The following BRI3 variants were observed in gnomAD, a reference collection of about 807,000 sequenced individuals.
BRI3 encodes the protein membrane protein BRI3.
BRI3 carries 6 observed loss-of-function variants against 12.8 expected under a neutral mutation model. That is an observed-to-expected ratio of 0.47 (90% CI 0.26 to 0.93). BRI3 has a LOEUF of 0.93. Ranked by LOEUF, BRI3 falls within the 40% of genes least tolerant of loss-of-function variation. The pLI is 0.15. For missense variants in BRI3, 134 were observed against 171.1 expected, an observed-to-expected ratio of 0.78 and a Z score of 1.21; for synonymous variants, 91 against 76.1, an observed-to-expected ratio of 1.20 and a Z score of -1.02.
At chr7:98,296,354 A>G (rs1008445747), downstream of BRI3, among the ~76,000 whole-genome samples, 2 of 152,230 alleles carry the variant, frequency 1.3e-5, no homozygotes, top group Non-Finnish European at 2.9e-5. Context: ...GGCCAGGGAC[A>G]GTGGCTCATG....
upstream of BRI3, among the ~76,000 whole-genome samples, chr7:98,302,959 T>C (rs1260941215): frequency 1.3e-5 from 2 of 152,150 alleles, no homozygotes; most frequent in African/African-American, 2.4e-5. Flanking sequence ...TAATTTTTTA[T>C]ATTTTTTGTC....
At chr7:98,303,288 C>T (rs1800501326), upstream of BRI3, among the ~76,000 whole-genome samples, 1 of 152,126 alleles carries the variant, frequency 6.6e-6, no homozygotes, top group South Asian at 2.1e-4. Flanking sequence ...TGAACTAAGG[C>T]CCCGGACACA....
chr7:98,300,489 C>T (rs945957272), intron 1 of BRI3, among the ~76,000 whole-genome samples: 7 of 152,172 alleles, frequency 4.6e-5, no homozygotes, highest in African/African-American at 1.7e-4. Flanking sequence ...TGCAGATGAC[C>T]GCGCCATGTC....
chr7:98,294,084 G>A (rs768295005), downstream of BRI3: 1 of 1,614,148 alleles, frequency 6.2e-7, no homozygotes, highest in Non-Finnish European at 8.5e-7. Context: ...CTGAGAAAAG[G>A]CGGCTTTGCA....
At chr7:98,309,075 ATTC>A (rs1470520180) in exon 2 of BRI3, 1 of 152,078 alleles carries the variant, frequency 6.6e-6, no homozygotes, top group African/African-American at 2.4e-5. Context: ...ATTCTTGCAG[ATTC>A]TTCATGATTA....
intron 1 of BRI3, among the ~76,000 whole-genome samples, chr7:98,301,231 T>C (rs1287392677): frequency 6.6e-6 from 1 of 152,158 alleles, no homozygotes; most frequent in Non-Finnish European, 1.5e-5. Flanking sequence ...AAACATGACC[T>C]CCCTGTGGGC....
At chr7:98,283,922 C>T (rs566231272) in intron 2 of BRI3, among the ~76,000 whole-genome samples, 123 of 152,262 alleles carry the variant, frequency 8.1e-4, no homozygotes, top group African/African-American at 2.8e-3. Context: ...GAGGTGGTGG[C>T]GCAGTTGCTG....
chr7:98,301,161 A>G (rs1800404133), intron 1 of BRI3, among the ~76,000 whole-genome samples: 1 of 152,066 alleles, frequency 6.6e-6, no homozygotes, highest in Non-Finnish European at 1.5e-5. Flanking sequence ...GACTGTGTTG[A>G]CAGAAGTCTG....
intron 2 of BRI3, among the ~76,000 whole-genome samples, chr7:98,288,405 A>G (rs1412891104): frequency 6.6e-6 from 1 of 152,118 alleles, no homozygotes. Flanking sequence ...TGTCCTGCCC[A>G]GTCTGGACTG....
exon 2 of BRI3, chr7:98,308,045 T>A (rs1461294029): frequency 3.8e-6 from 3 of 787,382 alleles, no homozygotes; most frequent in East Asian, 5.2e-5. Flanking sequence ...TTCCTCGCTT[T>A]GATCATTGCC....
At chr7:98,309,035 T>C (rs1443547175) in exon 2 of BRI3, 3 of 152,094 alleles carry the variant, frequency 2.0e-5, no homozygotes, top group African/African-American at 7.2e-5. Flanking sequence ...CATCTTTAAT[T>C]TAAAACAATG....
At position 98,282,401 on chromosome 7, in the gene BRI3, A is replaced by C. The variant is rs140901444; in HGVS notation, c.193A>C (p.Thr65Pro). ...RVYNIHSRTVTRYPANSIVVV... is the reference protein window; with the variant it reads ...RVYNIHSRTVPRYPANSIVVV... The stretch of plus-strand genomic sequence containing the variant: ...CTACAACATCCACAGCCGGACCGTC[A>C]CCCGCTATCCTGCCAACTCTATCGT... Residue 65 changes from threonine (T) to proline (P), a missense_variant, in exon 2 of 3, where the codon ACC becomes CCC. Coordinates refer to ENST00000297290, the MANE Select transcript of BRI3 (RefSeq NM_015379.5). 14 of 1,613,854 alleles carry C rather than the reference A, an allele frequency of 8.7e-6. No homozygotes were observed. The African/African-American group carries it at 1.7e-4, about 20-fold the overall frequency.
At chr7:98,299,049 CTT>C (rs1800306056) in intron 1 of BRI3, among the ~76,000 whole-genome samples, 1 of 151,872 alleles carries the variant, frequency 6.6e-6, no homozygotes, top group Non-Finnish European at 1.5e-5. Flanking sequence ...GAGTTTTCCT[CTT>C]GTTGCCCAGG....
downstream of BRI3, chr7:98,292,727 A>G: frequency 1.3e-6 from 2 of 1,551,488 alleles, no homozygotes; most frequent in Non-Finnish European, 8.7e-7. Flanking sequence ...GAGCAGTTTG[A>G]GTGTACTGGT....
At chr7:98,287,155 G>T (rs1584392595) in intron 2 of BRI3, among the ~76,000 whole-genome samples, 1 of 152,246 alleles carries the variant, frequency 6.6e-6, no homozygotes, top group Non-Finnish European at 1.5e-5. Context: ...GGGACAGCTG[G>T]ATCTGTCCAG....
intron 2 of BRI3, among the ~76,000 whole-genome samples, chr7:98,290,305 C>T (rs1799873816): frequency 6.6e-6 from 1 of 150,724 alleles, no homozygotes; most frequent in South Asian, 2.1e-4. Context: ...ACGCCATTCT[C>T]CTGCCTCAGC....
intron 2 of BRI3, among the ~76,000 whole-genome samples, chr7:98,287,247 G>A (rs561636100): frequency 2.0e-5 from 3 of 152,322 alleles, no homozygotes; most frequent in South Asian, 2.1e-4. Flanking sequence ...CTCTTTAAGC[G>A]GTGTGGAGGT....
chr7:98,292,996 C>A, downstream of BRI3: 1 of 1,149,550 alleles, frequency 8.7e-7, no homozygotes, highest in East Asian at 4.4e-5. Flanking sequence ...AAGCTCTACA[C>A]TTAAACATTT....
At chr7:98,312,198 G>C, downstream of BRI3, 1 of 1,614,044 alleles carries the variant, frequency 6.2e-7, no homozygotes, top group Non-Finnish European at 8.5e-7. Context: ...ATTTTCTCTG[G>C]CACTTTGATG....
Sources: gnomAD v4.1 joint callset for allele counts (sites outside exome capture counted in the v4.1 genomes callset) on GRCh38, gnomAD v4.1.1 for gene constraint, MANE v1.5 for transcripts, NCBI Gene and HGNC (gene_info 2026-07-23, HGNC 2026-07-21) for gene names.